NLGN1: variants seen among roughly 807,000 people sequenced by gnomAD.
NLGN1 encodes neuroligin-1.
NLGN1 carries 12 observed loss-of-function variants against 65.5 expected under a neutral mutation model. The ratio of observed to expected loss-of-function variants is 0.18; its 90% CI spans 0.12 to 0.30. The LOEUF (loss-of-function observed/expected upper bound fraction) is 0.30, where lower values mean the gene tolerates loss of function less well. Ranked by LOEUF, NLGN1 falls within the 10% of genes least tolerant of loss-of-function variation. The probability of loss-of-function intolerance (pLI) is 1.00; values close to 1 mark genes in which losing one functional copy is unlikely to be tolerated. For missense variants in NLGN1, 750 were observed against 1,007.1 expected, an observed-to-expected ratio of 0.74 and a Z score of 3.46; for synonymous variants, 350 against 359.5, an observed-to-expected ratio of 0.97 and a Z score of 0.30.
At chr3:173,621,927 T>TA (rs1308224504) in intron 3 of NLGN1, among the ~76,000 whole-genome samples, 1 of 152,136 alleles carries the variant, frequency 6.6e-6, no homozygotes, top group Non-Finnish European at 1.5e-5. Flanking sequence ...TATAAAGGTA[T>TA]AAAAAAGCTA....
intron 4 of NLGN1, among the ~76,000 whole-genome samples, chr3:174,051,460 G>A (rs1277165530): frequency 6.6e-6 from 1 of 152,028 alleles, no homozygotes; most frequent in Non-Finnish European, 1.5e-5. Context: ...TGTGTGAACT[G>A]GCTTTGCTGT....
At chr3:173,791,544 C>G (rs1191538296) in intron 3 of NLGN1, among the ~76,000 whole-genome samples, 1 of 149,238 alleles carries the variant, frequency 6.7e-6, no homozygotes, top group Non-Finnish European at 1.5e-5. Flanking sequence ...CTTTTAAAGG[C>G]ACTTCAATAA....
chr3:173,653,913 C>T (rs1759588969), intron 3 of NLGN1, among the ~76,000 whole-genome samples: 1 of 152,106 alleles, frequency 6.6e-6, no homozygotes. Flanking sequence ...CCTGTACAAG[C>T]CACATGAACA....
chr3:174,004,029 A>C (rs1018423477), intron 4 of NLGN1, among the ~76,000 whole-genome samples: 2 of 152,098 alleles, frequency 1.3e-5, no homozygotes, highest in Non-Finnish European at 2.9e-5. Flanking sequence ...CAGTTCTGCA[A>C]TTTCTTTTTC....
chr3:173,853,879 A>G (rs1203724264), intron 4 of NLGN1, among the ~76,000 whole-genome samples: 2 of 151,896 alleles, frequency 1.3e-5, no homozygotes, highest in Non-Finnish European at 2.9e-5. Context: ...ATTAAAATTA[A>G]TATGATTCAT....
In NLGN1 at chr3:173,420,836, T is replaced by C. The variant is rs1714907365; in HGVS notation, c.-389-14174T>C. 3.3e-5 allele frequency among the ~76,000 whole-genome samples: 5 copies of C among 152,244 alleles called. No individual in the cohort carries two copies. The South Asian group carries it at 1.0e-3, about 31-fold the overall frequency. On this transcript the variant is annotated intron_variant, in intron 1 of 6. Coordinates refer to ENST00000457714, the Ensembl canonical transcript of NLGN1. ...TTCCACACTAATTTGATATGTGTACTTTTTCATGTACAAAATTTTTACACA... is the reference window on the plus strand; with the variant it reads ...TTCCACACTAATTTGATATGTGTACCTTTTCATGTACAAAATTTTTACACA...
chr3:173,909,510 G>A (rs1227812928), intron 4 of NLGN1, among the ~76,000 whole-genome samples: 1 of 152,130 alleles, frequency 6.6e-6, no homozygotes, highest in Non-Finnish European at 1.5e-5. Context: ...AGACTCACTT[G>A]TTCAATTTCC....
intron 4 of NLGN1, among the ~76,000 whole-genome samples, chr3:174,146,135 TCCTTCCTTCCTTCCTTCCTCTC>T (rs1411568118): frequency 2.9e-5 from 4 of 139,740 alleles, no homozygotes; most frequent in African/African-American, 1.2e-4. Flanking sequence ...CTTCCTTCCT[TCCTTCCTTCCTTCCTTCCTCTC>T]TCCCTCCCTC....
intron 4 of NLGN1, among the ~76,000 whole-genome samples, chr3:173,958,797 G>A (rs1344568733): frequency 6.6e-6 from 1 of 152,178 alleles, no homozygotes; most frequent in African/African-American, 2.4e-5. Flanking sequence ...GCTGAGAGAT[G>A]CCTGCAGGCC....
At chr3:173,831,410 G>A (rs1371755828) in intron 4 of NLGN1, among the ~76,000 whole-genome samples, 2 of 152,144 alleles carry the variant, frequency 1.3e-5, no homozygotes, top group African/African-American at 2.4e-5. Context: ...GTGCTACAAG[G>A]CATAATAAAG....
At chr3:173,448,936 A>G (rs1378920692) in intron 2 of NLGN1, among the ~76,000 whole-genome samples, 1 of 151,888 alleles carries the variant, frequency 6.6e-6, no homozygotes, top group South Asian at 2.1e-4. Flanking sequence ...TATTGCATCT[A>G]TTTGATTCTT....
rs190878403 is a variant in NLGN1 at position 173,629,596 on chromosome 3, G to T, written c.493+24505G>T. On this transcript the variant is annotated intron_variant, in intron 3 of 6. Transcript: ENST00000457714. The stretch of plus-strand genomic sequence containing the variant: ...TGAATGAAGATCTAGGTAACAATAG[G>T]TCATAAAATATCCAGTGAAAGGTTA... Among the ~76,000 whole-genome samples, 612 of 152,086 alleles carry T rather than the reference G, an allele frequency of 4.0e-3. 3 individuals carry two copies. Among genetic ancestry groups the T allele is most frequent in the Admixed American group, 7.1e-3 (108 of 15,264 alleles).
intron 2 of NLGN1, among the ~76,000 whole-genome samples, chr3:173,546,437 A>AATGTGTG (rs1739851901): frequency 6.6e-6 from 1 of 152,112 alleles, no homozygotes; most frequent in South Asian, 2.1e-4. Flanking sequence ...TACTGTCTGG[A>AATGTGTG]ATGTGTGAGA....
intron 4 of NLGN1, among the ~76,000 whole-genome samples, chr3:173,905,299 T>G (rs1560598680): frequency 2.0e-5 from 3 of 152,208 alleles, no homozygotes; most frequent in Admixed American, 1.3e-4. Flanking sequence ...ATTTGCAACT[T>G]CAGCTGAATT....
intron 3 of NLGN1, among the ~76,000 whole-genome samples, chr3:173,754,720 G>C (rs1047805804): frequency 2.6e-5 from 4 of 152,062 alleles, no homozygotes; most frequent in African/African-American, 4.8e-5. Flanking sequence ...CAAATACATT[G>C]TCCAAGTTTT....
At chr3:173,800,352 G>A (rs1560397431) in intron 3 of NLGN1, 2 of 1,196,764 alleles carry the variant, frequency 1.7e-6, no homozygotes, top group East Asian at 7.0e-5. Flanking sequence ...TGAAGATGAA[G>A]GTATTTTTTT....
At chr3:173,706,323 G>A (rs1768034945) in intron 3 of NLGN1, among the ~76,000 whole-genome samples, 1 of 152,098 alleles carries the variant, frequency 6.6e-6, no homozygotes, top group African/African-American at 2.4e-5. Flanking sequence ...TTTAGAAATA[G>A]ATGTAATTTT....
chr3:173,903,535 C>T (rs530092065), intron 4 of NLGN1, among the ~76,000 whole-genome samples: 13 of 152,226 alleles, frequency 8.5e-5, no homozygotes, highest in African/African-American at 2.6e-4. Flanking sequence ...CTCTATACTA[C>T]TGCATTTTCC....
intron 3 of NLGN1, among the ~76,000 whole-genome samples, chr3:173,759,556 A>G (rs1777646087): frequency 6.6e-6 from 1 of 151,904 alleles, no homozygotes; most frequent in South Asian, 2.1e-4. Flanking sequence ...GTATGAGAGT[A>G]CTCTATTACA....
Sources: gnomAD v4.1 joint callset for allele counts (sites outside exome capture counted in the v4.1 genomes callset) on GRCh38, gnomAD v4.1.1 for gene constraint, MANE v1.5 for transcripts, NCBI Gene and HGNC (gene_info 2026-07-23, HGNC 2026-07-21) for gene names.